The following CCSER1 variants were observed in gnomAD, a reference collection of about 807,000 sequenced individuals.
The protein encoded by CCSER1 is coiled-coil serine rich protein 1.
CCSER1 carries 41 observed loss-of-function variants against 82.0 expected under a neutral mutation model. The ratio of observed to expected loss-of-function variants is 0.50; its 90% CI spans 0.39 to 0.65. The LOEUF (loss-of-function observed/expected upper bound fraction) is 0.65. Ranked by LOEUF, CCSER1 falls within the 30% of genes least tolerant of loss-of-function variation. The pLI is 0.00. For synonymous variants in CCSER1, 414 were observed against 383.9 expected, an observed-to-expected ratio of 1.08 and a Z score of -0.92; for missense variants, 1,119 against 1,064.2, an observed-to-expected ratio of 1.05 and a Z score of -0.72.
intron 4 of CCSER1, among the ~76,000 whole-genome samples, chr4:90,446,767 C>G (rs893703515): frequency 5.9e-5 from 9 of 152,144 alleles, no homozygotes; most frequent in African/African-American, 2.2e-4. Flanking sequence ...TTTCCTGCTT[C>G]CCCTTCCACC....
chr4:90,214,937 A>G (rs1266291351), intron 1 of CCSER1, among the ~76,000 whole-genome samples: 5 of 152,020 alleles, frequency 3.3e-5, no homozygotes, highest in Admixed American at 1.3e-4. Context: ...AGGTTTTTCA[A>G]TTTGTGTTTG....
At chr4:91,023,678 A>C (rs1245436579) in intron 9 of CCSER1, among the ~76,000 whole-genome samples, 3 of 152,188 alleles carry the variant, frequency 2.0e-5, no homozygotes, top group African/African-American at 7.2e-5. Context: ...AAAAGACTTA[A>C]ATGTTAGACC....
chr4:90,157,330 G>A (rs1448811126), intron 1 of CCSER1, among the ~76,000 whole-genome samples: 3 of 152,122 alleles, frequency 2.0e-5, no homozygotes, highest in East Asian at 1.9e-4. Flanking sequence ...TTCAACTTTG[G>A]TGAATCTGAC....
intron 9 of CCSER1, among the ~76,000 whole-genome samples, chr4:91,074,651 C>T (rs1561524494): frequency 1.3e-5 from 2 of 152,188 alleles, no homozygotes; most frequent in Non-Finnish European, 2.9e-5. Flanking sequence ...CAAACTGACA[C>T]TTATAAATTA....
At chr4:90,903,003 T>A (rs1379834479) in intron 8 of CCSER1, among the ~76,000 whole-genome samples, 5 of 152,160 alleles carry the variant, frequency 3.3e-5, no homozygotes, top group Non-Finnish European at 7.4e-5. Context: ...TTTAACCTTT[T>A]GTTCCTGAAT....
intron 10 of CCSER1, among the ~76,000 whole-genome samples, chr4:91,226,706 A>C (rs543931682): frequency 6.6e-6 from 1 of 151,994 alleles, no homozygotes; most frequent in Admixed American, 6.6e-5. Context: ...AATTCTATGC[A>C]TTTGTCTCTT....
At chr4:91,078,419 T>A (rs1161069010) in intron 9 of CCSER1, among the ~76,000 whole-genome samples, 1 of 152,108 alleles carries the variant, frequency 6.6e-6, no homozygotes, top group Non-Finnish European at 1.5e-5. Flanking sequence ...AAAAACCCCA[T>A]CTGTACGTCA....
Position 90,304,991 on chromosome 4 carries a change from A to G in CCSER1, c.-41-3253A>G, listed in dbSNP as rs375459651. On this transcript the variant is annotated intron_variant, in intron 1 of 10. Coordinates refer to ENST00000509176, the MANE Select transcript of CCSER1 (RefSeq NM_001145065.2). ...GGAGTGCAGTGGCCTGATCTGGCTC[A>G]CTGCAACCTCCGCTTCCTGGGTTCA... 5.6e-4 allele frequency among the ~76,000 whole-genome samples: 85 copies of G among 151,566 alleles called. 1 individual carries two copies. In the East Asian group the frequency reaches 0.016, roughly 29 times the overall value.
chr4:90,481,369 T>C (rs1765928539), intron 5 of CCSER1, among the ~76,000 whole-genome samples: 1 of 152,174 alleles, frequency 6.6e-6, no homozygotes, highest in Non-Finnish European at 1.5e-5. Flanking sequence ...TATTTCCTTC[T>C]CCTGCCTGAT....
intron 9 of CCSER1, among the ~76,000 whole-genome samples, chr4:90,970,922 T>C (rs1485803241): frequency 2.6e-5 from 4 of 150,946 alleles, no homozygotes; most frequent in Non-Finnish European, 5.9e-5. Flanking sequence ...TGAAAAAAAA[T>C]TACTAAAAGA....
At chr4:91,462,716 G>A (rs1756579919) in intron 10 of CCSER1, among the ~76,000 whole-genome samples, 1 of 152,140 alleles carries the variant, frequency 6.6e-6, no homozygotes, top group Non-Finnish European at 1.5e-5. Flanking sequence ...ATTATATCTT[G>A]TGCCTGGCTC....
intron 9 of CCSER1, among the ~76,000 whole-genome samples, chr4:90,984,688 A>G (rs367987017): frequency 6.6e-6 from 1 of 151,772 alleles, no homozygotes; most frequent in Non-Finnish European, 1.5e-5. Flanking sequence ...TGAAAGAAAT[A>G]CTAAGCACTA....
At chr4:90,813,521 G>A (rs922450839) in intron 7 of CCSER1, among the ~76,000 whole-genome samples, 6 of 152,162 alleles carry the variant, frequency 3.9e-5, no homozygotes, top group Non-Finnish European at 8.8e-5. Flanking sequence ...GTTGTGGGAG[G>A]AACCCCGGGG....
intron 10 of CCSER1, among the ~76,000 whole-genome samples, chr4:91,564,281 A>G (rs963182988): frequency 1.3e-5 from 2 of 151,856 alleles, no homozygotes; most frequent in African/African-American, 4.8e-5. Flanking sequence ...CATTTTTTTA[A>G]TCCGATCTGT....
At chr4:90,693,440 A>G (rs1411992808) in intron 6 of CCSER1, 1 of 151,940 alleles carries the variant, frequency 6.6e-6, no homozygotes, top group Non-Finnish European at 1.5e-5. Flanking sequence ...AAGTGATTGT[A>G]AAACTAGACT....
chr4:91,244,781 A>G (rs1206293128), intron 10 of CCSER1, among the ~76,000 whole-genome samples: 2 of 152,178 alleles, frequency 1.3e-5, no homozygotes, highest in Admixed American at 1.3e-4. Context: ...TCACAAAAAG[A>G]ATTAAATAAG....
rs958122373 is a variant in CCSER1, at chr4:90,965,878, C to CT, written c.2172+42438dup. ...ATGTCTAAAGAACTAAACGAAAGTG[C>CT]TTTTTTTCCTGAATAAAGAAATCAG... is the stretch of plus-strand genomic sequence containing the variant. On this transcript the variant is annotated intron_variant, in intron 9 of 10. Coordinates refer to ENST00000509176, the MANE Select transcript of CCSER1 (RefSeq NM_001145065.2). Among the ~76,000 whole-genome samples the CT allele has an allele frequency of 9.2e-5, 14 of 152,116 alleles. No individual in the cohort carries two copies. In the East Asian group the frequency reaches 1.7e-3, roughly 19 times the overall value.
intron 10 of CCSER1, among the ~76,000 whole-genome samples, chr4:91,522,592 C>G (rs1055301676): frequency 2.0e-5 from 3 of 152,124 alleles, no homozygotes; most frequent in Admixed American, 1.3e-4. Context: ...CCTTCACATA[C>G]CTTGTAAGTT....
chr4:90,160,410 A>T (rs904645914), intron 1 of CCSER1, among the ~76,000 whole-genome samples: 1 of 152,236 alleles, frequency 6.6e-6, no homozygotes, highest in Admixed American at 6.5e-5. Flanking sequence ...CTGGGTGCCA[A>T]ATAATAAGAT....
Sources: gnomAD v4.1 joint callset for allele counts (sites outside exome capture counted in the v4.1 genomes callset) on GRCh38, gnomAD v4.1.1 for gene constraint, MANE v1.5 for transcripts, NCBI Gene and HGNC (gene_info 2026-07-23, HGNC 2026-07-21) for gene names.